The following BDP1 variants were observed in gnomAD, a reference collection of about 807,000 sequenced individuals.
BDP1 encodes the protein BDP1 general transcription factor IIIB subunit.
In BDP1, 169 loss-of-function variants were observed where a neutral mutation model predicts 266.6. The ratio of observed to expected loss-of-function variants is 0.63; its 90% CI spans 0.56 to 0.72. The LOEUF (loss-of-function observed/expected upper bound fraction) is 0.72. Among genes scored for constraint, BDP1 ranks in the 30% least tolerant of loss-of-function variants. BDP1 has a pLI of 0.00. For missense variants in BDP1, 3,015 were observed against 3,053.8 expected (o/e 0.99, Z 0.30); for synonymous variants, 1,090 against 1,022.4 (o/e 1.07, Z -1.26).
intron 25 of BDP1, among the ~76,000 whole-genome samples, chr5:71,527,101 T>C (rs919779725): frequency 6.6e-6 from 1 of 151,162 alleles, no homozygotes; most frequent in Non-Finnish European, 1.5e-5. Context: ...AATTAATTAA[T>C]TTAGAGATGG....
intron 35 of BDP1, among the ~76,000 whole-genome samples, chr5:71,553,880 T>G (rs1580212526): frequency 6.6e-6 from 1 of 152,222 alleles, no homozygotes; most frequent in South Asian, 2.1e-4. Context: ...ACACTTCATT[T>G]GATGTACCTT....
At chr5:71,466,041 T>C (rs966137999) in intron 4 of BDP1, 55 bp from the exon 5 acceptor site, 1 of 1,565,002 alleles carries the variant, frequency 6.4e-7, no homozygotes. Flanking sequence ...AGTTTTATAC[T>C]ATTTAGGCAC....
chr5:71,531,240 G>C (rs1766227811), intron 25 of BDP1, among the ~76,000 whole-genome samples: 1 of 152,084 alleles, frequency 6.6e-6, no homozygotes, highest in Admixed American at 6.6e-5. Context: ...TGACATGAGT[G>C]AGACCCTGCC....
chr5:71,465,691 G>C (rs1250760874), intron 4 of BDP1, among the ~76,000 whole-genome samples: 1 of 152,082 alleles, frequency 6.6e-6, no homozygotes, highest in Non-Finnish European at 1.5e-5. Flanking sequence ...GACCAGCCTG[G>C]CCAACATCGT....
chr5:71,550,421 C>A (rs900071082), intron 34 of BDP1, among the ~76,000 whole-genome samples: 6 of 151,694 alleles, frequency 4.0e-5, no homozygotes, highest in Non-Finnish European at 7.4e-5. Flanking sequence ...CAAGTAGCTT[C>A]TCAGCTACAG....
chr5:71,544,477 G>C lies in BDP1; in HGVS notation c.6533G>C (p.Ser2178Thr). The change falls in exon 31 of 39, where the codon AGT (serine) becomes ACT (threonine). Residue 2178 changes from serine to threonine, a missense_variant. This residue lies in a region of BDP1 where 629 missense variants were observed against 632.5 expected (regional missense o/e 0.99). Transcript: ENST00000358731. ...LACVHGIKGT[S>T]ISSEVNLTER... ...TGTGTACATGGTATCAAAGGGACCA[G>C]TATTTCTTCAGAAGTAAACCTAACT... is the stretch of plus-strand genomic sequence containing the variant. 6.2e-7 allele frequency: 1 copy of C among 1,613,410 alleles called. No individual in the cohort carries two copies. The highest frequency in any genetic ancestry group is 8.5e-7 in the Non-Finnish European group (1 of 1,179,718).
intron 26 of BDP1, 44 bp downstream of exon 26, chr5:71,532,471 TA>T: frequency 6.3e-7 from 1 of 1,590,596 alleles, no homozygotes. Context: ...ATTCTTTGTT[TA>T]CTTTGAAAAG....
At chr5:71,499,336 G>T (rs1171554808) in intron 13 of BDP1, among the ~76,000 whole-genome samples, 3 of 152,140 alleles carry the variant, frequency 2.0e-5, no homozygotes, top group Admixed American at 6.6e-5. Flanking sequence ...ACCTTTTTCA[G>T]CTGACCACGG....
At chr5:71,557,030 C>T in intron 36 of BDP1, 105 bp downstream of exon 36, 1 of 558,286 alleles carries the variant, frequency 1.8e-6, no homozygotes, top group Non-Finnish European at 3.0e-6. Context: ...TTCCTTTTCT[C>T]CAAGAGTAAT....
chr5:71,537,950 A>G (rs1472743637), intron 26 of BDP1: 1 of 152,416 alleles, frequency 6.6e-6, no homozygotes. Flanking sequence ...ATCCTGTCTT[A>G]TCATTAAGTA....
intron 7 of BDP1, among the ~76,000 whole-genome samples, chr5:71,479,516 C>T (rs756256939): frequency 1.0e-4 from 15 of 150,164 alleles, no homozygotes; most frequent in Non-Finnish European, 1.9e-4. Context: ...TCTTTTTTTT[C>T]TGAGTCTGCT....
intron 25 of BDP1, among the ~76,000 whole-genome samples, chr5:71,526,212 G>A (rs994522809): frequency 6.6e-6 from 1 of 152,198 alleles, no homozygotes; most frequent in East Asian, 1.9e-4. Flanking sequence ...CGAGGCTGGC[G>A]GATCACTCGC....
intron 28 of BDP1, 69 bp from the exon 29 acceptor site, chr5:71,541,385 G>A: frequency 3.2e-6 from 2 of 630,304 alleles, no homozygotes; most frequent in Non-Finnish European, 5.2e-6. Context: ...ATTACTAAAT[G>A]TTGAGGAATT....
chr5:71,530,288 G>A (rs1766155781), intron 25 of BDP1, among the ~76,000 whole-genome samples: 1 of 152,024 alleles, frequency 6.6e-6, no homozygotes, highest in African/African-American at 2.4e-5. Flanking sequence ...AGGCTGGAGT[G>A]CAGTGGCATG....
chr5:71,491,684 C>G (rs1207600970), intron 11 of BDP1, among the ~76,000 whole-genome samples: 1 of 152,018 alleles, frequency 6.6e-6, no homozygotes, highest in Non-Finnish European at 1.5e-5. Flanking sequence ...CGCCTCCCAG[C>G]CCTTGGCAAT....
At position 71,562,707 on chromosome 5, in the gene BDP1, A is replaced by G. The variant is rs1039527048; in HGVS notation, c.7743+187A>G. ...AAAAGGTGTTGAGTCAGGAAGTTAC[A>G]GTTAGATTAGTACAGAGCCATTGAA... is the stretch of plus-strand genomic sequence containing the variant. On this transcript the variant is annotated intron_variant, in intron 38 of 38. Transcript: ENST00000358731. The G allele has an allele frequency of 2.7e-6, 4 of 1,485,100 alleles. No homozygotes were observed. In the Admixed American group the frequency reaches 8.2e-5, roughly 30 times the overall value. The allele number at this position is 1,485,100 out of a possible 1,614,324, so 92.0% of individuals were successfully genotyped here.
In BDP1 at chr5:71,515,065, C is replaced by T; in HGVS notation, c.4592C>T (p.Pro1531Leu). The change falls in exon 20 of 39, where the codon CCT (proline) becomes CTT (leucine). Residue 1531 changes from proline (P) to leucine (L), a missense_variant. Pro to Leu is a moderately conservative substitution (Grantham distance 98). This residue lies in a region of BDP1 where 2,383 missense variants were observed against 2,404.9 expected (regional missense o/e 0.99). Transcript: ENST00000358731. Reference protein sequence around the residue: ...RNLSPSNSCEPKEESQSAPVQ... With the variant: ...RNLSPSNSCELKEESQSAPVQ... ...CTTTCACCTTCAAATTCTTGTGAACCTAAAGAGGAGTCTCAGTCAGCACCA... is the reference window on the plus strand; with the variant it reads ...CTTTCACCTTCAAATTCTTGTGAACTTAAAGAGGAGTCTCAGTCAGCACCA... The T allele has an allele frequency of 6.2e-7, 1 of 1,612,622 alleles. No homozygotes were observed. Among genetic ancestry groups the T allele is most frequent in the Non-Finnish European group, 8.5e-7 (1 of 1,179,436 alleles).
At chr5:71,534,860 C>T (rs1265404008) in intron 26 of BDP1, among the ~76,000 whole-genome samples, 3 of 152,164 alleles carry the variant, frequency 2.0e-5, no homozygotes, top group African/African-American at 4.8e-5. Flanking sequence ...AGGCTGGTCT[C>T]GAACTCCTGA....
chr5:71,559,103 G>A (rs990088462), intron 36 of BDP1, among the ~76,000 whole-genome samples: 2 of 152,104 alleles, frequency 1.3e-5, no homozygotes, highest in Non-Finnish European at 2.9e-5. Context: ...GCAGTGAGCC[G>A]AGATCGCGCC....
Sources: gnomAD v4.1 joint callset for allele counts (sites outside exome capture counted in the v4.1 genomes callset) on GRCh38, gnomAD v4.1.1 for gene constraint, gnomAD v4.1.1 regional missense constraint, MANE v1.5 for transcripts, NCBI Gene and HGNC (gene_info 2026-07-23, HGNC 2026-07-21) for gene names.